Variants in ZMAT1 observed in about 807,000 individuals in gnomAD.
The protein encoded by ZMAT1 is zinc finger matrin-type protein 1.
ZMAT1 carries 11 observed loss-of-function variants against 18.5 expected under a neutral mutation model. That is an observed-to-expected ratio of 0.59 (90% CI 0.37 to 0.98). ZMAT1 has a LOEUF of 0.98. Among genes scored for constraint, ZMAT1 ranks in the 50% least tolerant of loss-of-function variants. The pLI is 0.01. For synonymous variants in ZMAT1, 211 were observed against 176.4 expected (o/e 1.20, Z -1.55); for missense variants, 525 against 496.2 (o/e 1.06, Z -0.55).
At chrX:101,928,872 G>A (rs962033703) in intron 1 of ZMAT1, among the ~76,000 whole-genome samples, 3 of 110,973 alleles carry the variant, frequency 2.7e-5, no homozygotes, top group Admixed American at 9.6e-5. Flanking sequence ...TTTTTACTAT[G>A]AATATATCAG....
chrX:101,884,022 A>C lies in ZMAT1; in HGVS notation c.1576T>G (p.Cys526Gly). The change falls in exon 6 of 6, where the codon TGC (cysteine) becomes GGC (glycine). Residue 526 changes from cysteine to glycine, a missense_variant. Physicochemically the swap from Cys to Gly is radical, Grantham distance 159. Transcript: ENST00000651725. ...SQVVENQLPH[C>G]LPAHDSKQRL... The stretch of plus-strand genomic sequence containing the variant: ...TGTTTGCTATCATGAGCTGGTAAGC[A>C]ATGAGGTAACTGGTTTTCCACTACT... 4 of 1,210,622 alleles carry C rather than the reference A, an allele frequency of 3.3e-6. No individual in the cohort carries two copies. Among genetic ancestry groups the C allele is most frequent in the Non-Finnish European group, 4.5e-6 (4 of 895,241 alleles).
Position 101,883,747 on chromosome X carries a change from T to A in ZMAT1, c.1851A>T (p.Lys617Asn). ...ERPEKEQSKH[K>N]RKKSYEDTDL... Reference sequence around the variant, plus strand: ...CTGTATCTTCATAACTCTTTTTCCTTTTATGCTTGGACTGCTCTTTCTCTG... The same window carrying A: ...CTGTATCTTCATAACTCTTTTTCCTATTATGCTTGGACTGCTCTTTCTCTG... The change falls in exon 6 of 6, where the codon AAA becomes AAT. Residue 617 changes from lysine (K) to asparagine (N), a missense_variant. By Grantham distance (94) the Lys-to-Asn change is moderately conservative (BLOSUM62 0). Coordinates refer to ENST00000651725, the MANE Select transcript of ZMAT1 (RefSeq NM_001394560.1). The A allele has an allele frequency of 4.1e-6, 5 of 1,207,629 alleles. No individual in the cohort carries two copies. Among genetic ancestry groups the A allele is most frequent in the Non-Finnish European group, 5.6e-6 (5 of 894,443 alleles).
At chrX:101,914,877 G>C (rs922397580) in intron 1 of ZMAT1, among the ~76,000 whole-genome samples, 3 of 111,002 alleles carry the variant, frequency 2.7e-5, no homozygotes, top group African/African-American at 9.8e-5. Context: ...CAGACAAAGA[G>C]ACATCCAAAA....
intron 1 of ZMAT1, among the ~76,000 whole-genome samples, chrX:101,926,662 T>C (rs896879585): frequency 8.9e-6 from 1 of 112,218 alleles, no homozygotes; most frequent in Admixed American, 9.5e-5. Context: ...TTCATTCCAA[T>C]TAAATGTTCT....
At chrX:101,898,920 C>T (rs745485951) in intron 2 of ZMAT1, among the ~76,000 whole-genome samples, 1 of 111,056 alleles carries the variant, frequency 9.0e-6, no homozygotes, top group African/African-American at 3.3e-5. Flanking sequence ...TGGTGGTGTG[C>T]GCCTGTAATC....
chrX:101,924,401 C>T (rs1028284426), intron 1 of ZMAT1, among the ~76,000 whole-genome samples: 4 of 111,914 alleles, frequency 3.6e-5, no homozygotes, highest in Admixed American at 9.5e-5. Context: ...CGTGAGCCAC[C>T]GTGCCCGGCC....
At chrX:101,896,739 C>A (rs1209385938) in intron 4 of ZMAT1, among the ~76,000 whole-genome samples, 1 of 111,727 alleles carries the variant, frequency 9.0e-6, no homozygotes, top group Admixed American at 9.5e-5. Context: ...ATCATCTTTT[C>A]TTGTTCTAGC....
At chrX:101,931,483 G>A in intron 1 of ZMAT1, 1 of 753,649 alleles carries the variant, frequency 1.3e-6, no homozygotes, top group Non-Finnish European at 1.6e-6. Flanking sequence ...TCTTTTGCCT[G>A]GGGGCCCCCA....
At chrX:101,900,856 G>C (rs186904165) in intron 2 of ZMAT1, among the ~76,000 whole-genome samples, 1 of 111,443 alleles carries the variant, frequency 9.0e-6, no homozygotes, top group East Asian at 2.8e-4. Context: ...GTGGTATTTT[G>C]ATGGGGATTG....
intron 4 of ZMAT1, among the ~76,000 whole-genome samples, chrX:101,896,354 C>A (rs999626436): frequency 2.7e-5 from 3 of 111,665 alleles, no homozygotes; most frequent in African/African-American, 9.8e-5. Context: ...TATTTCATAG[C>A]TCTTTTATTT....
At chrX:101,916,182 T>C (rs905959242) in intron 1 of ZMAT1, among the ~76,000 whole-genome samples, 1 of 105,798 alleles carries the variant, frequency 9.5e-6, no homozygotes, top group Non-Finnish European at 1.9e-5. Flanking sequence ...TAAGTGGGAG[T>C]TGAATAATGA....
intron 1 of ZMAT1, among the ~76,000 whole-genome samples, chrX:101,926,681 C>T (rs188147522): frequency 3.6e-5 from 4 of 111,875 alleles, no homozygotes; most frequent in African/African-American, 9.7e-5. Context: ...CTTTGTTAAC[C>T]CCCAAGTTTA....
In ZMAT1 at chrX:101,932,014, C is replaced by G; in HGVS notation, c.-6G>C. 1.3e-6 allele frequency: 1 copy of G among 765,588 alleles called. No homozygotes were observed. Among genetic ancestry groups the G allele is most frequent in the Non-Finnish European group, 1.5e-6 (1 of 646,825 alleles). The allele number at this position is 765,588 out of a possible 1,213,427, so 63.1% of individuals were successfully genotyped here. Reference sequence around the variant, plus strand: ...GTGCTCGGCGCCGCCGCCATCGCAGCGAGGCGCGCGGACAATTGCACTTGC... The same window carrying G: ...GTGCTCGGCGCCGCCGCCATCGCAGGGAGGCGCGCGGACAATTGCACTTGC... On this transcript the variant is annotated 5_prime_UTR_variant, in exon 1 of 6. Coordinates refer to ENST00000651725, the MANE Select transcript of ZMAT1 (RefSeq NM_001394560.1).
intron 1 of ZMAT1, among the ~76,000 whole-genome samples, chrX:101,917,576 T>A (rs992837430): frequency 8.9e-6 from 1 of 112,458 alleles, no homozygotes; most frequent in African/African-American, 3.2e-5. Flanking sequence ...GGAATCCTCA[T>A]ACACTGTTGG....
chrX:101,885,502 G>A (rs897433394), intron 5 of ZMAT1, among the ~76,000 whole-genome samples: 4 of 110,045 alleles, frequency 3.6e-5, no homozygotes, highest in African/African-American at 6.6e-5. Context: ...ATAGCCACTG[G>A]ACTCCACCCT....
chrX:101,929,423 TTATATATATATA>T (rs771032732), intron 1 of ZMAT1, among the ~76,000 whole-genome samples: 6,070 of 71,246 alleles, frequency 0.085, 451 homozygotes, highest in African/African-American at 0.23. Flanking sequence ...TAGAGAGAGA[TTATATATATATA>T]TATATATATA....
chrX:101,887,546 C>G (rs1214424076), intron 4 of ZMAT1: 6 of 111,953 alleles, frequency 5.4e-5, no homozygotes, highest in African/African-American at 1.3e-4. Flanking sequence ...TTGGTACATG[C>G]AAAGATTTTG....
chrX:101,904,393 C>T (rs1928456063), intron 1 of ZMAT1, 63 bp from the exon 2 acceptor site: 3 of 819,923 alleles, frequency 3.7e-6, no homozygotes, highest in Non-Finnish European at 5.2e-6. Flanking sequence ...TATCATTTTT[C>T]ATTCCTCAAC....
chrX:101,898,589 GT>G (rs1345366346), intron 2 of ZMAT1, among the ~76,000 whole-genome samples: 2 of 111,843 alleles, frequency 1.8e-5, no homozygotes, highest in Non-Finnish European at 3.8e-5. Context: ...AATTTGAAGT[GT>G]TATGTAGAAC....
Sources: gnomAD v4.1 joint callset for allele counts (sites outside exome capture counted in the v4.1 genomes callset) on GRCh38, gnomAD v4.1.1 for gene constraint, MANE v1.5 for transcripts, NCBI Gene and HGNC (gene_info 2026-07-23, HGNC 2026-07-21) for gene names.